ANO5: variants seen among roughly 807,000 people sequenced by gnomAD.
ANO5 encodes anoctamin 5.
In ANO5, 109 loss-of-function variants were observed where a neutral mutation model predicts 121.0. That is an observed-to-expected ratio of 0.90 (90% CI 0.77 to 1.06). ANO5 has a LOEUF of 1.06. Ranked by LOEUF, ANO5 falls within the 50% of genes least tolerant of loss-of-function variation. The pLI, the probability that ANO5 is intolerant of heterozygous loss-of-function variation, is 0.00. For synonymous variants in ANO5, 406 were observed against 359.9 expected, an observed-to-expected ratio of 1.13 and a Z score of -1.45; for missense variants, 1,064 against 1,078.5, an observed-to-expected ratio of 0.99 and a Z score of 0.19.
At position 22,231,359 on chromosome 11, in the gene ANO5, C is replaced by T. The variant is rs1006578271; in HGVS notation, c.648+3773C>T. Among the ~76,000 whole-genome samples, 42 of 151,690 alleles carry T rather than the reference C, an allele frequency of 2.8e-4. 1 individual carries two copies. The South Asian group carries it at 4.6e-3, about 17-fold the overall frequency. On this transcript the variant is annotated intron_variant, in intron 7 of 21. Coordinates refer to ENST00000324559, the MANE Select transcript of ANO5 (RefSeq NM_213599.3). Reference sequence around the variant, plus strand: ...TACCTTATTAAATTTTTTAATTGTACGACTGAAGCACAGTTTCATCCTCAT... The same window carrying T: ...TACCTTATTAAATTTTTTAATTGTATGACTGAAGCACAGTTTCATCCTCAT...
At chr11:22,251,300 CA>C (rs774609501) in intron 12 of ANO5, among the ~76,000 whole-genome samples, 3 of 152,016 alleles carry the variant, frequency 2.0e-5, no homozygotes, top group Non-Finnish European at 2.9e-5. Flanking sequence ...AAAACAGGCT[CA>C]AAAAATACTT....
intron 14 of ANO5, among the ~76,000 whole-genome samples, chr11:22,258,109 C>T (rs1191408824): frequency 6.6e-6 from 1 of 152,074 alleles, no homozygotes; most frequent in Non-Finnish European, 1.5e-5. Context: ...TCTTTATTTC[C>T]ACCTTATTTC....
Position 22,245,002 on chromosome 11 carries a change from T to C in ANO5, c.879-5235T>C, listed in dbSNP as rs541245541. The stretch of plus-strand genomic sequence containing the variant: ...CTTGCCTGAGAGGGCTGGTGTTCCA[T>C]TAATTGTAGTATAAGTTGAGTATAG... On this transcript the variant is annotated intron_variant, in intron 9 of 21. Coordinates refer to ENST00000324559, the MANE Select transcript of ANO5 (RefSeq NM_213599.3). 7.9e-5 allele frequency among the ~76,000 whole-genome samples: 12 copies of C among 152,336 alleles called. No individual in the cohort carries two copies. In the South Asian group the frequency reaches 2.5e-3, roughly 32 times the overall value.
At chr11:22,220,881 T>G (rs1852619773) in intron 4 of ANO5, among the ~76,000 whole-genome samples, 1 of 151,948 alleles carries the variant, frequency 6.6e-6, no homozygotes, top group African/African-American at 2.4e-5. Context: ...GCATTTTTGT[T>G]GTATGTGCAT....
At chr11:22,271,477 C>T (rs570620526) in intron 18 of ANO5, among the ~76,000 whole-genome samples, 1 of 152,216 alleles carries the variant, frequency 6.6e-6, no homozygotes, top group South Asian at 2.1e-4. Flanking sequence ...AAATTTAGGA[C>T]AAATAGAAGC....
At chr11:22,270,165 G>C in intron 17 of ANO5, 147 bp from the exon 18 acceptor site, 1 of 1,029,096 alleles carries the variant, frequency 9.7e-7, no homozygotes, top group Non-Finnish European at 1.4e-6. Flanking sequence ...TTTGACTTGC[G>C]CTTTGGCTGG....
chr11:22,210,983 C>A lies in ANO5; in HGVS notation c.88-281C>A, dbSNP rs75162101. Among the ~76,000 whole-genome samples the A allele has an allele frequency of 0.06, 9,178 of 151,840 alleles. 915 individuals carry two copies. Among genetic ancestry groups the A allele is most frequent in the African/African-American group, 0.21 (8,660 of 41,404 alleles). ...TTTCTTTTATGATTTGATAAAGCTA[C>A]CTCCCAAATACTAATTCTCTCTGAA... On this transcript the variant is annotated intron_variant, in intron 2 of 21. Coordinates refer to ENST00000324559, the MANE Select transcript of ANO5 (RefSeq NM_213599.3).
chr11:22,193,394 A>G lies in ANO5; in HGVS notation c.-99A>G. 2 of 1,545,054 alleles carry G rather than the reference A, an allele frequency of 1.3e-6. No individual in the cohort carries two copies. The highest frequency in any genetic ancestry group is 2.4e-5 in the East Asian group (1 of 41,124). On this transcript the variant is annotated 5_prime_UTR_variant, in exon 1 of 22. Transcript: ENST00000324559. ...CCAGCAGCAGCAACTCCGGCGGCCC[A>G]CAGTCAGATTCAGCACCTGCCTCAG...
chr11:22,272,263 C>T (rs1854644330), intron 18 of ANO5, among the ~76,000 whole-genome samples: 1 of 145,822 alleles, frequency 6.9e-6, no homozygotes, highest in Non-Finnish European at 1.5e-5. Context: ...AAGACCTTAA[C>T]AAATTTCTTA....
At chr11:22,274,059 T>A (rs76954855) in intron 19 of ANO5, among the ~76,000 whole-genome samples, 2,509 of 151,996 alleles carry the variant, frequency 0.017, 65 homozygotes, top group African/African-American at 0.057. Context: ...GGATACAAAA[T>A]TATCATTCCC....
chr11:22,193,019 C>T (rs1227756119), upstream of ANO5: 1 of 984,648 alleles, frequency 1.0e-6, no homozygotes, highest in Non-Finnish European at 1.2e-6. Flanking sequence ...GGTCTGGAGG[C>T]GGGGAAAGAG....
At chr11:22,262,011 G>A (rs1268117303) in intron 15 of ANO5, 118 bp from the exon 16 acceptor site, 1 of 917,660 alleles carries the variant, frequency 1.1e-6, no homozygotes. Flanking sequence ...TCGCCAGAAT[G>A]GGGAGCATTC....
rs375867377 is a variant in ANO5, at chr11:22,227,334, G to A, written c.396G>A (p.Lys132=). 1.2e-6 allele frequency: 2 copies of A among 1,613,042 alleles called. No homozygotes were observed. Among genetic ancestry groups the A allele is most frequent in the African/African-American group, 1.3e-5 (1 of 74,710 alleles). Residue 132 remains lysine (K), a synonymous_variant, in exon 7 of 22, where the codon AAG becomes AAA. Transcript: ENST00000324559. ...DSEDGRTYFV[K]IHAPWEVLVT... Reference sequence around the variant, plus strand: ...AAGATGGAAGAACTTATTTTGTCAAGATCCATGCCCCTTGGGAGGTATTAG... The same window carrying A: ...AAGATGGAAGAACTTATTTTGTCAAAATCCATGCCCCTTGGGAGGTATTAG...
chr11:22,199,010 C>T (rs1326077794), intron 1 of ANO5, among the ~76,000 whole-genome samples: 1 of 151,982 alleles, frequency 6.6e-6, no homozygotes, highest in Admixed American at 6.6e-5. Context: ...CAAGCATTTC[C>T]CTTTAGATTT....
intron 2 of ANO5, among the ~76,000 whole-genome samples, chr11:22,205,300 A>G (rs563276101): frequency 1.3e-5 from 2 of 152,196 alleles, no homozygotes; most frequent in Admixed American, 6.5e-5. Flanking sequence ...CCCACATGAC[A>G]TAAGTTTATG....
At chr11:22,241,728 A>T (rs528784630) in intron 9 of ANO5, among the ~76,000 whole-genome samples, 49 of 151,906 alleles carry the variant, frequency 3.2e-4, no homozygotes, top group Admixed American at 2.2e-3. Context: ...CCAATTATTT[A>T]TTGGGGTTAT....
chr11:22,275,040 T>G lies in ANO5; in HGVS notation c.2414+293T>G, dbSNP rs536150294. 5.9e-5 allele frequency among the ~76,000 whole-genome samples: 9 copies of G among 152,122 alleles called. No individual in the cohort carries two copies. In the South Asian group the frequency reaches 1.9e-3, roughly 31 times the overall value. ...TTACTTTCTAATGTATCAAAAGGAT[T>G]TGTCACCAACAAGTGCCCCTTAGTC... On this transcript the variant is annotated intron_variant, in intron 20 of 21. Coordinates refer to ENST00000324559, the MANE Select transcript of ANO5 (RefSeq NM_213599.3).
At chr11:22,250,622 C>A in intron 10 of ANO5, 119 bp from the exon 11 acceptor site, 1 of 1,123,580 alleles carries the variant, frequency 8.9e-7, no homozygotes, top group Non-Finnish European at 1.3e-6. Flanking sequence ...GAAATTGCTG[C>A]TTGATTGCCC....
At chr11:22,241,712 C>T (rs181692772) in intron 9 of ANO5, among the ~76,000 whole-genome samples, 3 of 152,024 alleles carry the variant, frequency 2.0e-5, no homozygotes, top group African/African-American at 7.2e-5. Context: ...CTCTTCATGT[C>T]CTTTGCCAAT....
Sources: allele counts gnomAD v4.1 joint callset (sites outside exome capture counted in the v4.1 genomes callset), GRCh38; gene constraint gnomAD v4.1.1; transcripts MANE v1.5; gene names NCBI Gene and HGNC (gene_info 2026-07-23, HGNC 2026-07-21).